Variants in HEATR5B observed in about 807,000 individuals in gnomAD.
HEATR5B encodes HEAT repeat containing 5B.
In HEATR5B, 156 loss-of-function variants were observed where a neutral mutation model predicts 224.1. The observed-to-expected ratio is 0.70, with a 90% CI of 0.61 to 0.80. The LOEUF (loss-of-function observed/expected upper bound fraction) is 0.80, where lower values mean the gene tolerates loss of function less well. HEATR5B is among the 30% of genes least tolerant of loss of function. HEATR5B has a pLI of 0.00. For synonymous variants in HEATR5B, 1,027 were observed against 893.0 expected (o/e 1.15, Z -2.68); for missense variants, 2,323 against 2,535.5 (o/e 0.92, Z 1.80).
chr2:37,008,967 G>A (rs1667609772), intron 27 of HEATR5B, 119 bp from the exon 28 acceptor site: 1 of 784,822 alleles, frequency 1.3e-6, no homozygotes. Context: ...ATATTAGAAA[G>A]TATACACTTT....
At chr2:37,034,796 G>C (rs1179025733) in intron 21 of HEATR5B, among the ~76,000 whole-genome samples, 1 of 151,886 alleles carries the variant, frequency 6.6e-6, no homozygotes, top group African/African-American at 2.4e-5. Context: ...GCACTCAAGT[G>C]ATCTGCCTGC....
At chr2:37,009,397 G>A (rs1667646896) in intron 27 of HEATR5B, among the ~76,000 whole-genome samples, 1 of 150,734 alleles carries the variant, frequency 6.6e-6, no homozygotes, top group South Asian at 2.1e-4. Context: ...AATATAGCAA[G>A]ACCCTATCTC....
Position 37,007,228 on chromosome 2 carries a change from A to G in HEATR5B, c.4599T>C (p.His1533=), listed in dbSNP as rs1294724326. 1 of 1,614,080 alleles carries G rather than the reference A, an allele frequency of 6.2e-7. No individual in the cohort carries two copies. The highest frequency in any genetic ancestry group is 1.1e-5 in the South Asian group (1 of 91,078). Residue 1533 remains histidine (H), a synonymous_variant, in exon 29 of 36, where the codon CAT becomes CAC. Transcript: ENST00000233099. ...HYRNSWAPIL[H]AVALWLNSTG... Reference sequence around the variant, plus strand: ...TGCTATTTAACCAAAGTGCCACCGCATGGAGAATTGGGGCCCAGGAATTCC... The same window carrying G: ...TGCTATTTAACCAAAGTGCCACCGCGTGGAGAATTGGGGCCCAGGAATTCC...
intron 34 of HEATR5B, among the ~76,000 whole-genome samples, chr2:36,989,074 T>C (rs1192727703): frequency 6.6e-6 from 1 of 152,174 alleles, no homozygotes; most frequent in Non-Finnish European, 1.5e-5. Flanking sequence ...ACCATGCTTA[T>C]ACAATTCCTG....
rs1464622569 is a variant in HEATR5B at position 37,061,926 on chromosome 2, A to G, written c.1696+13T>C. On this transcript the variant is annotated intron_variant, in intron 11 of 35. Transcript: ENST00000233099. ...TATAGCGTGACAAAAATCCTACTCA[A>G]ATATAATTATACCTAAAGTCATAAG... 6.5e-7 allele frequency: 1 copy of G among 1,544,780 alleles called. No individual in the cohort carries two copies. The highest frequency in any genetic ancestry group is 1.7e-5 in the Admixed American group (1 of 59,552).
intron 8 of HEATR5B, 87 bp from the exon 9 acceptor site, chr2:37,065,997 T>C (rs922097262): frequency 6.9e-6 from 8 of 1,151,822 alleles, no homozygotes; most frequent in Non-Finnish European, 9.8e-6. Context: ...ATTTTAGCCA[T>C]ACCAGTTGAT....
intron 33 of HEATR5B, among the ~76,000 whole-genome samples, chr2:36,995,451 A>G (rs1378354136): frequency 6.6e-6 from 1 of 152,196 alleles, no homozygotes; most frequent in African/African-American, 2.4e-5. Flanking sequence ...TCAGTTTGTT[A>G]AAATCTACCT....
intron 11 of HEATR5B, 104 bp from the exon 12 acceptor site, chr2:37,060,837 TG>T: frequency 5.7e-6 from 5 of 876,696 alleles, no homozygotes; most frequent in Non-Finnish European, 8.6e-6. Context: ...ATTTTAGAGA[TG>T]AAAATAGAGT....
At chr2:36,988,322 G>C (rs1349624060) in intron 35 of HEATR5B, among the ~76,000 whole-genome samples, 2 of 151,778 alleles carry the variant, frequency 1.3e-5, no homozygotes. Flanking sequence ...GAGTGCGCTG[G>C]CATGATCTCG....
chr2:36,984,215 A>AAAAAAAAAAAAAAAATATATATAT, intron 35 of HEATR5B, among the ~76,000 whole-genome samples: 5 of 77,634 alleles, frequency 6.4e-5, no homozygotes, highest in East Asian at 1.2e-3. Flanking sequence ...AAAAAAAAAA[A>AAAAAAAAAAAAAAAATATATATAT]ATATATATAT....
At chr2:36,989,917 TTTTTTTGAGACGGAGTC>T (rs1451657964) in intron 34 of HEATR5B, among the ~76,000 whole-genome samples, 2 of 145,728 alleles carry the variant, frequency 1.4e-5, no homozygotes, top group African/African-American at 5.1e-5. Context: ...TTTTTTTTTT[TTTTTTTGAGACGGAGTC>T]TCACACTGTT....
At chr2:37,036,907 T>C (rs1446258457) in intron 21 of HEATR5B, among the ~76,000 whole-genome samples, 1 of 151,924 alleles carries the variant, frequency 6.6e-6, no homozygotes, top group African/African-American at 2.4e-5. Context: ...AGCACTTATT[T>C]GTAAATAATA....
chr2:37,021,155 A>G (rs1435328952), intron 24 of HEATR5B, among the ~76,000 whole-genome samples: 1 of 152,210 alleles, frequency 6.6e-6, no homozygotes, highest in African/African-American at 2.4e-5. Context: ...TTGGTAAAGA[A>G]CCAGATAGTT....
At chr2:37,015,662 A>G (rs1235839801) in intron 26 of HEATR5B, among the ~76,000 whole-genome samples, 2 of 152,208 alleles carry the variant, frequency 1.3e-5, no homozygotes, top group Non-Finnish European at 1.5e-5. Flanking sequence ...AACAAAGGAA[A>G]CTAAGTAAGT....
intron 24 of HEATR5B, among the ~76,000 whole-genome samples, chr2:37,024,691 C>T (rs1668661513): frequency 6.6e-6 from 1 of 152,160 alleles, no homozygotes; most frequent in African/African-American, 2.4e-5. Flanking sequence ...AATGGGTCTA[C>T]TTACATTATG....
At position 37,034,998 on chromosome 2, in the gene HEATR5B, TTTTTA is replaced by T. The variant is rs531267952; in HGVS notation, c.3217-2230_3217-2226del. Among the ~76,000 whole-genome samples the T allele has an allele frequency of 2.5e-3, 374 of 152,358 alleles. 1 individual carries two copies. Among genetic ancestry groups the T allele is most frequent in the Middle Eastern group, 6.8e-3 (2 of 294 alleles). ...CACTTAGTCTCTTGAAGTTTCTGCC[TTTTTA>T]TTTTTACAGTGGGGACAATATCCAA... On this transcript the variant is annotated intron_variant, in intron 21 of 35. Coordinates refer to ENST00000233099, the MANE Select transcript of HEATR5B (RefSeq NM_019024.3).
rs946960483 is a variant in HEATR5B, at chr2:37,038,818, T to C, written c.3047-794A>G. ...AGTTAGCTGAGGCAGGAGAATTGCT[T>C]GAACCCGGGAGGCGGAGGTTGTAGC... On this transcript the variant is annotated intron_variant, in intron 20 of 35. Coordinates refer to ENST00000233099, the MANE Select transcript of HEATR5B (RefSeq NM_019024.3). Among the ~76,000 whole-genome samples, 9 of 145,512 alleles carry C rather than the reference T, an allele frequency of 6.2e-5. No homozygotes were observed. In the Admixed American group the frequency reaches 6.2e-4, roughly 10 times the overall value.
At chr2:37,034,254 C>A (rs1241115771) in intron 21 of HEATR5B, among the ~76,000 whole-genome samples, 6 of 150,764 alleles carry the variant, frequency 4.0e-5, no homozygotes, top group Admixed American at 3.3e-4. Context: ...GATCCGCCCA[C>A]CTCAGCCTCC....
At chr2:37,040,677 A>G (rs1669816915) in intron 19 of HEATR5B, among the ~76,000 whole-genome samples, 159 bp from the exon 20 acceptor site, 1 of 152,232 alleles carries the variant, frequency 6.6e-6, no homozygotes. Flanking sequence ...CACATTCTTC[A>G]TCTTCACTGT....
Sources: gnomAD v4.1 joint callset for allele counts (sites outside exome capture counted in the v4.1 genomes callset) on GRCh38, gnomAD v4.1.1 for gene constraint, MANE v1.5 for transcripts, NCBI Gene and HGNC (gene_info 2026-07-23, HGNC 2026-07-21) for gene names.